Variants in DGKB observed in about 807,000 individuals in gnomAD.
The protein encoded by DGKB is 90 kDa diacylglycerol kinase.
In DGKB, 67 loss-of-function variants were observed where a neutral mutation model predicts 114.3. The ratio of observed to expected loss-of-function variants is 0.59; its 90% confidence interval spans 0.48 to 0.72. The LOEUF (loss-of-function observed/expected upper bound fraction) is 0.72. Among genes scored for constraint, DGKB ranks in the 30% least tolerant of loss-of-function variants. DGKB has a pLI of 0.00. For missense variants in DGKB, 907 were observed against 975.2 expected (o/e 0.93, Z 0.93); for synonymous variants, 398 against 323.1 (o/e 1.23, Z -2.49).
Position 14,221,626 on chromosome 7 carries a change from T to C in DGKB, c.2123-43475A>G, listed in dbSNP as rs570220138. On this transcript the variant is annotated intron_variant, in intron 23 of 25. Coordinates refer to ENST00000402815, the MANE Select transcript of DGKB (RefSeq NM_001350709.2). ...TATTCATAAAAATATTGGTCTGTTA[T>C]ATTCTTTTCTTGTTATATCTTTATG... 5.3e-5 allele frequency among the ~76,000 whole-genome samples: 8 copies of C among 151,618 alleles called. No homozygotes were observed. The East Asian group carries it at 1.5e-3, about 29-fold the overall frequency.
chr7:14,797,105 GTTTTTAC>G (rs1412412657), intron 2 of DGKB, among the ~76,000 whole-genome samples: 16 of 152,086 alleles, frequency 1.1e-4, no homozygotes, highest in East Asian at 1.9e-4. Flanking sequence ...TAAAGTCAAT[GTTTTTAC>G]TTTTTACTTT....
chr7:14,396,534 T>G (rs796943731), intron 21 of DGKB, among the ~76,000 whole-genome samples: 1 of 152,280 alleles, frequency 6.6e-6, no homozygotes, highest in African/African-American at 2.4e-5. Flanking sequence ...AGCTGAAAAC[T>G]CCACATCTGT....
intron 10 of DGKB, among the ~76,000 whole-genome samples, chr7:14,683,733 A>T (rs1376997418): frequency 6.6e-6 from 1 of 152,148 alleles, no homozygotes; most frequent in South Asian, 2.1e-4. Flanking sequence ...AATTAAAATG[A>T]AAAACACTAA....
chr7:14,668,617 C>T (rs1286660683), intron 13 of DGKB, among the ~76,000 whole-genome samples: 2 of 151,804 alleles, frequency 1.3e-5, no homozygotes, highest in African/African-American at 4.8e-5. Flanking sequence ...TATAACCATA[C>T]CCCTTCATAA....
At chr7:14,320,578 CATATATAGTACAT>C (rs900053679) in intron 23 of DGKB, among the ~76,000 whole-genome samples, 4 of 151,206 alleles carry the variant, frequency 2.6e-5, no homozygotes, top group South Asian at 2.1e-4. Context: ...TATATGTGTA[CATATATAGTACAT>C]ATATATAGTA....
intron 6 of DGKB, among the ~76,000 whole-genome samples, chr7:14,702,706 T>A (rs921962641): frequency 6.6e-6 from 1 of 152,156 alleles, no homozygotes; most frequent in Non-Finnish European, 1.5e-5. Context: ...ATGTCTGAAG[T>A]CTATAATATT....
At chr7:14,577,305 G>A (rs1488434701) in intron 19 of DGKB, among the ~76,000 whole-genome samples, 1 of 152,066 alleles carries the variant, frequency 6.6e-6, no homozygotes, top group East Asian at 1.9e-4. Context: ...ATAAAGAAAT[G>A]CAACAACAAA....
At chr7:14,963,210 A>AG (rs1786961569) in intron 1 of DGKB, among the ~76,000 whole-genome samples, 1 of 152,056 alleles carries the variant, frequency 6.6e-6, no homozygotes, top group Non-Finnish European at 1.5e-5. Flanking sequence ...TGTGGCCAAG[A>AG]GGGGGGTTAC....
intron 1 of DGKB, among the ~76,000 whole-genome samples, chr7:14,883,829 A>AT (rs1323108519): frequency 2.0e-5 from 3 of 152,080 alleles, no homozygotes; most frequent in South Asian, 4.1e-4. Context: ...GCACATATAC[A>AT]TTTTTTTCTT....
intron 20 of DGKB, among the ~76,000 whole-genome samples, chr7:14,549,264 G>T (rs1794764683): frequency 6.6e-6 from 1 of 152,042 alleles, no homozygotes; most frequent in Non-Finnish European, 1.5e-5. Flanking sequence ...GACATCAAGG[G>T]TGACCATAGC....
chr7:14,176,514 A>C (rs931631547), intron 25 of DGKB: 239 of 1,026,496 alleles, frequency 2.3e-4, no homozygotes, highest in Non-Finnish European at 2.7e-4. Context: ...TCTGAAATAA[A>C]CAAAAAAGTT....
chr7:14,544,493 T>C (rs1475897288), intron 20 of DGKB, among the ~76,000 whole-genome samples: 2 of 152,176 alleles, frequency 1.3e-5, no homozygotes, highest in Non-Finnish European at 2.9e-5. Context: ...TTAACTTAAA[T>C]TACTTATTAA....
intron 13 of DGKB, among the ~76,000 whole-genome samples, chr7:14,646,184 C>A (rs1048913522): frequency 5.3e-5 from 8 of 152,052 alleles, no homozygotes; most frequent in African/African-American, 1.4e-4. Context: ...AAAAGATATT[C>A]CAATGCAAAC....
intron 20 of DGKB, among the ~76,000 whole-genome samples, chr7:14,502,970 C>CA (rs1786436670): frequency 6.6e-6 from 1 of 152,078 alleles, no homozygotes; most frequent in Non-Finnish European, 1.5e-5. Flanking sequence ...CTGGAATCAA[C>CA]AAAAGAACCA....
At chr7:14,459,590 A>C (rs1273370588) in intron 21 of DGKB, among the ~76,000 whole-genome samples, 1 of 152,190 alleles carries the variant, frequency 6.6e-6, no homozygotes, top group African/African-American at 2.4e-5. Context: ...CCTCCAAGAA[A>C]TGCGGGACTA....
Position 14,176,975 on chromosome 7 carries a change from A to T in DGKB, c.2244-76T>A, listed in dbSNP as rs567642423. ...CAGACTATATGTGAGATATAAGATG[A>T]TGAGACCAGGGAAGGCAATATGGTA... On this transcript the variant is annotated intron_variant, in intron 24 of 25. Coordinates refer to ENST00000402815, the MANE Select transcript of DGKB (RefSeq NM_001350709.2). The T allele has an allele frequency of 1.9e-6, 3 of 1,574,062 alleles. No individual in the cohort carries two copies. In the Admixed American group the frequency reaches 5.1e-5, roughly 27 times the overall value.
intron 23 of DGKB, among the ~76,000 whole-genome samples, chr7:14,201,150 C>G (rs1785807262): frequency 6.6e-6 from 1 of 151,972 alleles, no homozygotes; most frequent in African/African-American, 2.4e-5. Context: ...TGGTGAGGGC[C>G]TGTTTCCTAG....
At chr7:14,351,164 C>G (rs1290123938) in intron 21 of DGKB, among the ~76,000 whole-genome samples, 3 of 152,146 alleles carry the variant, frequency 2.0e-5, no homozygotes, top group Non-Finnish European at 4.4e-5. Context: ...ACATTTATGT[C>G]ATAGAATCAA....
chr7:14,516,955 A>T (rs6980324), intron 20 of DGKB, among the ~76,000 whole-genome samples: 65,678 of 151,142 alleles, frequency 0.43, 15,063 homozygotes, highest in East Asian at 0.73. Context: ...GAAAAAAAAA[A>T]TTTTAAATTC....
Sources: allele counts gnomAD v4.1 joint callset (sites outside exome capture counted in the v4.1 genomes callset), GRCh38; gene constraint gnomAD v4.1.1; transcripts MANE v1.5; gene names NCBI Gene and HGNC (gene_info 2026-07-23, HGNC 2026-07-21).